SLC38A1: variants seen among roughly 807,000 people sequenced by gnomAD.
SLC38A1 encodes the protein solute carrier family 38 member 1, also known as sodium-coupled neutral amino acid symporter 1.
In SLC38A1, 18 loss-of-function variants were observed where a neutral mutation model predicts 60.3. The ratio of observed to expected loss-of-function variants is 0.30; its 90% CI spans 0.21 to 0.44. The LOEUF is 0.44. Ranked by LOEUF, SLC38A1 falls within the 20% of genes least tolerant of loss-of-function variation. The probability of loss-of-function intolerance (pLI) is 1.00; values close to 1 mark genes in which losing one functional copy is unlikely to be tolerated. For missense variants in SLC38A1, 448 were observed against 587.2 expected, an observed-to-expected ratio of 0.76 and a Z score of 2.45; for synonymous variants, 196 against 212.1, an observed-to-expected ratio of 0.92 and a Z score of 0.66.
chr12:46,220,213 T>A (rs1159426490), intron 5 of SLC38A1, among the ~76,000 whole-genome samples: 2 of 152,244 alleles, frequency 1.3e-5, no homozygotes, highest in Non-Finnish European at 2.9e-5. Flanking sequence ...TCAATAGAGT[T>A]CAATGGCACT....
chr12:46,202,205 TA>T (rs1201315553), intron 12 of SLC38A1, among the ~76,000 whole-genome samples: 991 of 40,186 alleles, frequency 0.025, 5 homozygotes, highest in African/African-American at 0.14. Context: ...AAAAAAAAAA[TA>T]AATAAAGAAA....
At chr12:46,257,153 T>G (rs576795530) in intron 1 of SLC38A1, among the ~76,000 whole-genome samples, 7 of 152,254 alleles carry the variant, frequency 4.6e-5, no homozygotes, top group African/African-American at 1.4e-4. Flanking sequence ...GTTTCCCCTT[T>G]TAGGGAGGAA....
intron 3 of SLC38A1, 57 bp downstream of exon 3, chr12:46,239,622 T>C: frequency 6.3e-7 from 1 of 1,599,840 alleles, no homozygotes; most frequent in South Asian, 1.1e-5. Flanking sequence ...GGATTACAGG[T>C]GTGAGCCACG....
In SLC38A1 at chr12:46,183,558, C is replaced by G. The variant is rs1938839186; in HGVS notation, c.*5412G>C. ...CCAAAGTTTGAGAAATGCAGCAATT[C>G]AATTGTGAAAAAAACATTCTTCTCC... is the stretch of plus-strand genomic sequence containing the variant. On this transcript the variant is annotated 3_prime_UTR_variant, in exon 17 of 17. Transcript: ENST00000398637. 1 of 152,050 alleles carries G rather than the reference C, an allele frequency of 6.6e-6. No homozygotes were observed. The highest frequency in any genetic ancestry group is 2.1e-4 in the South Asian group (1 of 4,820). The allele number at this position is 152,050 out of a possible 1,614,324, so 9.4% of individuals were successfully genotyped here.
At chr12:46,207,410 T>C (rs2137212400) in intron 7 of SLC38A1, 119 bp downstream of exon 7, 1 of 1,124,330 alleles carries the variant, frequency 8.9e-7, no homozygotes. Flanking sequence ...CTGCTTTACT[T>C]TCCCTGTGCC....
intron 1 of SLC38A1, among the ~76,000 whole-genome samples, chr12:46,251,330 A>G (rs1053240122): frequency 6.6e-6 from 1 of 152,252 alleles, no homozygotes. Context: ...TTGACACCTT[A>G]TACAAAAATT....
intron 1 of SLC38A1, among the ~76,000 whole-genome samples, chr12:46,250,280 T>C (rs1222174847): frequency 6.6e-6 from 1 of 152,094 alleles, no homozygotes; most frequent in Non-Finnish European, 1.5e-5. Context: ...TTCGACAAAA[T>C]TCAACAGCGC....
At chr12:46,241,816 T>C (rs931151370) in intron 2 of SLC38A1, among the ~76,000 whole-genome samples, 1 of 152,202 alleles carries the variant, frequency 6.6e-6, no homozygotes, top group Non-Finnish European at 1.5e-5. Flanking sequence ...TGACTCCCTC[T>C]TGTGTGACTA....
intron 16 of SLC38A1, among the ~76,000 whole-genome samples, chr12:46,189,538 A>G (rs979136089): frequency 6.6e-6 from 1 of 152,232 alleles, no homozygotes; most frequent in East Asian, 1.9e-4. Context: ...AGATTTGATT[A>G]AGTGAAATAG....
rs534274051 is a variant in SLC38A1, at chr12:46,228,451, C to T, written c.314+702G>A. Among the ~76,000 whole-genome samples the T allele has an allele frequency of 2.7e-4, 41 of 152,260 alleles. 1 individual carries two copies. The South Asian group carries it at 5.8e-3, about 22-fold the overall frequency. On this transcript the variant is annotated intron_variant, in intron 5 of 16. Coordinates refer to ENST00000398637, the MANE Select transcript of SLC38A1 (RefSeq NM_030674.4). Reference sequence around the variant, plus strand: ...GTCAGGGAACAAAAGGCAAGATCCTCGGAGAAGTGCTTTCTCCCTCACCTC... The same window carrying T: ...GTCAGGGAACAAAAGGCAAGATCCTTGGAGAAGTGCTTTCTCCCTCACCTC...
intron 16 of SLC38A1, chr12:46,196,327 A>G: frequency 6.5e-7 from 1 of 1,531,396 alleles, no homozygotes; most frequent in Non-Finnish European, 8.7e-7. Context: ...CACATGGCAT[A>G]CCATCCTGGG....
intron 14 of SLC38A1, 104 bp from the exon 15 acceptor site, chr12:46,198,164 T>C (rs1939474383): frequency 1.7e-6 from 2 of 1,211,734 alleles, no homozygotes; most frequent in Middle Eastern, 2.5e-4. Context: ...ATTCATGAAA[T>C]GTTTTGTAAT....
intron 13 of SLC38A1, among the ~76,000 whole-genome samples, chr12:46,199,676 C>G (rs1477764884): frequency 6.6e-6 from 1 of 151,966 alleles, no homozygotes. Flanking sequence ...CTACTTTGAA[C>G]TTTTTCTCAA....
At position 46,188,747 on chromosome 12, in the gene SLC38A1, G is replaced by GAAA; in HGVS notation, c.*220_*222dup. The GAAA allele has an allele frequency of 2.5e-6, 1 of 404,732 alleles. No homozygotes were observed. The highest frequency in any genetic ancestry group is 4.5e-6 in the Non-Finnish European group (1 of 223,414). The allele number at this position is 404,732 out of a possible 1,614,324, so 25.1% of individuals were successfully genotyped here. A position where few individuals can be genotyped will look rare whatever the true frequency, so the allele number is the denominator to read the frequency against. On this transcript the variant is annotated 3_prime_UTR_variant, in exon 17 of 17. Coordinates refer to ENST00000398637, the MANE Select transcript of SLC38A1 (RefSeq NM_030674.4). Reference sequence around the variant, plus strand: ...TGGGAAATATGATTGTATGAAATTTGAAAAAAAAATTTCACAATCCCTAAA... The same window carrying GAAA: ...TGGGAAATATGATTGTATGAAATTTGAAAAAAAAAAAATTTCACAATCCCTAAA...
intron 5 of SLC38A1, among the ~76,000 whole-genome samples, chr12:46,226,483 G>A (rs963099581): frequency 7.9e-5 from 12 of 151,782 alleles, no homozygotes; most frequent in South Asian, 2.1e-4. Context: ...ACAGTGAAAC[G>A]TTATAGAAAT....
chr12:46,228,165 A>C (rs986382344), intron 5 of SLC38A1, among the ~76,000 whole-genome samples: 6 of 152,246 alleles, frequency 3.9e-5, no homozygotes, highest in Non-Finnish European at 7.3e-5. Context: ...TTTTAATTTT[A>C]GAAAGGACAT....
rs73280723 is a variant in SLC38A1, at chr12:46,268,218, C to T, written c.-209+308G>A. ...GTAAAAATGGAACCAGATCTGGTACCACACTCTGCCACAGCCACAGGAAAA... is the reference window on the plus strand; with the variant it reads ...GTAAAAATGGAACCAGATCTGGTACTACACTCTGCCACAGCCACAGGAAAA... On this transcript the variant is annotated intron_variant, in intron 1 of 16. Transcript: ENST00000398637. This position sits in a 1 kb window ranked among gnomAD's most constrained non-coding sequence, Gnocchi z 4.4. Among the ~76,000 whole-genome samples the T allele has an allele frequency of 6.8e-3, 1,035 of 152,294 alleles. 9 individuals are homozygous for T. Among genetic ancestry groups the T allele is most frequent in the African/African-American group, 0.024 (990 of 41,560 alleles).
At chr12:46,192,204 T>A (rs1382718431) in intron 16 of SLC38A1, among the ~76,000 whole-genome samples, 1 of 152,248 alleles carries the variant, frequency 6.6e-6, no homozygotes, top group African/African-American at 2.4e-5. Flanking sequence ...GTGGTTTTTG[T>A]CATTGGTTCT....
intron 14 of SLC38A1, 63 bp downstream of exon 14, chr12:46,198,562 C>T: frequency 1.7e-6 from 2 of 1,156,456 alleles, no homozygotes; most frequent in Non-Finnish European, 2.5e-6. Flanking sequence ...CAACGGGCTC[C>T]TGCAGGCAGA....
Sources: allele counts gnomAD v4.1 joint callset (sites outside exome capture counted in the v4.1 genomes callset), GRCh38; gene constraint gnomAD v4.1.1; non-coding constraint Gnocchi (gnomAD v3.1); transcripts MANE v1.5; gene names NCBI Gene and HGNC (gene_info 2026-07-23, HGNC 2026-07-21).